Variants in LONP1 observed in about 807,000 individuals in gnomAD.
The protein encoded by LONP1 is lon peptidase 1, mitochondrial.
LONP1 carries 31 observed loss-of-function variants against 98.5 expected under a neutral mutation model. That is an observed-to-expected ratio of 0.31 (90% CI 0.24 to 0.42). LONP1 has a LOEUF of 0.42. Among genes scored for constraint, LONP1 ranks in the 20% least tolerant of loss-of-function variants. LONP1 has a pLI of 1.00. For synonymous variants in LONP1, 781 were observed against 594.7 expected (o/e 1.31, Z -4.56); for missense variants, 1,336 against 1,350.6 (o/e 0.99, Z 0.17).
At chr19:5,708,515 C>T in intron 4 of LONP1, 112 bp from the exon 5 acceptor site, 1 of 812,772 alleles carries the variant, frequency 1.2e-6, no homozygotes, top group Non-Finnish European at 2.0e-6. Flanking sequence ...AACTCCCTCC[C>T]CTCCGCCAAC....
At position 5,694,836 on chromosome 19, in the gene LONP1, C is replaced by T. The variant is rs142052215; in HGVS notation, c.2079G>A (p.Ser693=). 1.2e-5 allele frequency: 19 copies of T among 1,604,414 alleles called. No individual in the cohort carries two copies. Among genetic ancestry groups the T allele is most frequent in the African/African-American group, 2.7e-5 (2 of 74,878 alleles). Residue 693 remains serine (S), a synonymous_variant, in exon 14 of 18, where the codon TCG becomes TCA. Coordinates refer to ENST00000360614, the MANE Select transcript of LONP1 (RefSeq NM_004793.4). ...GCTTGATGAGCAGCGTCAGCACGTC[C>T]GATGACAGCTTGGCCTTGCTCTCAT... ...GLDESKAKLS[S]DVLTLLIKQY... is the part of the protein sequence containing the mutation.
At chr19:5,699,331 G>C (rs545853872) in intron 9 of LONP1, 126 bp from the exon 10 acceptor site, 6 of 711,896 alleles carry the variant, frequency 8.4e-6, no homozygotes, top group Admixed American at 7.6e-5. Flanking sequence ...AGGATTGTCC[G>C]GGAGGCTGAG....
At chr19:5,693,247 G>A (rs368241558) in intron 17 of LONP1, 51 bp downstream of exon 17, 26 of 1,566,170 alleles carry the variant, frequency 1.7e-5, no homozygotes, top group East Asian at 1.1e-4. Context: ...GGCCTGTCCC[G>A]TGGTGGTGTG....
chr19:5,705,708 T>A, intron 8 of LONP1, 64 bp downstream of exon 8: 2 of 1,503,380 alleles, frequency 1.3e-6, no homozygotes, highest in Non-Finnish European at 9.2e-7. Flanking sequence ...TCCCCTGGCC[T>A]GCCTAAGATG....
rs748370005 is a variant in LONP1, at chr19:5,693,647, G to C, written c.2443C>G (p.Arg815Gly). 1.9e-6 allele frequency: 3 copies of C among 1,614,026 alleles called. No individual in the cohort carries two copies. The highest frequency in any genetic ancestry group is 3.3e-5 in the Admixed American group (2 of 60,012). The change falls in exon 16 of 18, where the codon CGC becomes GGC. Residue 815 changes from arginine to glycine, a missense_variant. By Grantham distance (125) the Arg-to-Gly change is moderately radical (BLOSUM62 -2). Transcript: ENST00000360614. The part of the protein sequence containing the change: ...QLGEVMKESA[R>G]IAYTFARAFL... ...GCTCTGGCGAAGGTGTAGGCTATGC[G>C]GGCGCTCTCCTTCATCACCTCCCCC...
At chr19:5,698,649 C>T (rs1448350168) in intron 10 of LONP1, among the ~76,000 whole-genome samples, 1 of 152,200 alleles carries the variant, frequency 6.6e-6, no homozygotes, top group Non-Finnish European at 1.5e-5. Context: ...GGAGCCGACC[C>T]CACCCCTAGT....
intron 11 of LONP1, 21 bp from the exon 12 acceptor site, chr19:5,696,392 T>C: frequency 6.2e-7 from 1 of 1,610,656 alleles, no homozygotes. Context: ...AGACAGCAGG[T>C]GGTGCCCCTC....
At chr19:5,694,595 G>A (rs777645478) in intron 14 of LONP1, 43 bp from the exon 15 acceptor site, 38 of 1,566,670 alleles carry the variant, frequency 2.4e-5, no homozygotes, top group Non-Finnish European at 3.1e-5. Flanking sequence ...AAGGTGGGGT[G>A]ACAGGTGCGG....
Position 5,707,688 on chromosome 19 carries a change from A to G in LONP1, c.1062+9T>C, listed in dbSNP as rs201351681. On this transcript the variant is annotated intron_variant, in intron 6 of 17. Coordinates refer to ENST00000360614, the MANE Select transcript of LONP1 (RefSeq NM_004793.4). Reference sequence around the variant, plus strand: ...GGCGTGGGGGGCTGTGGAGGTGACGAGCACTCACATTGGTCTCTTCCAGGA... The same window carrying G: ...GGCGTGGGGGGCTGTGGAGGTGACGGGCACTCACATTGGTCTCTTCCAGGA... The G allele has an allele frequency of 6.9e-6, 11 of 1,604,642 alleles. No individual in the cohort carries two copies. The highest frequency in any genetic ancestry group is 9.4e-6 in the Non-Finnish European group (11 of 1,173,416).
chr19:5,705,746 T>C (rs1230777093), intron 8 of LONP1, 26 bp downstream of exon 8: 5 of 1,609,566 alleles, frequency 3.1e-6, no homozygotes, highest in Non-Finnish European at 4.2e-6. Context: ...ACCTGAGGGC[T>C]GGGCCGCCCC....
rs919262130 is a variant in LONP1 at position 5,711,925 on chromosome 19, G to A, written c.716C>T (p.Ser239Leu). The change falls in exon 4 of 18, where the codon TCA becomes TTA. Residue 239 changes from serine (S) to leucine (L), a missense_variant. Physicochemically the swap from Ser to Leu is moderately radical, Grantham distance 145 (BLOSUM62 -2). Coordinates refer to ENST00000360614, the MANE Select transcript of LONP1 (RefSeq NM_004793.4). The stretch of plus-strand genomic sequence containing the variant: ...CTCCGCCTCCTTCTTGCCCCGCTTT[G>A]ACTTCCTGCGGGGCTTGTGCTTGTT... Reference protein sequence around the residue: ...AENKHKPRRKSKRGKKEAEDE... With the variant: ...AENKHKPRRKLKRGKKEAEDE... 8 of 1,613,124 alleles carry A rather than the reference G, an allele frequency of 5.0e-6. No individual in the cohort carries two copies. The highest frequency in any genetic ancestry group is 2.7e-5 in the African/African-American group (2 of 74,930).
intron 2 of LONP1, among the ~76,000 whole-genome samples, chr19:5,713,568 CTT>C (rs1431489770): frequency 6.6e-6 from 1 of 152,026 alleles, no homozygotes; most frequent in African/African-American, 2.4e-5. Context: ...GCATGGAACT[CTT>C]TTTTTCTTGA....
In LONP1 at chr19:5,706,335, G is replaced by A. The variant is rs117138464; in HGVS notation, c.1147-343C>T. On this transcript the variant is annotated intron_variant, in intron 7 of 17. Coordinates refer to ENST00000360614, the MANE Select transcript of LONP1 (RefSeq NM_004793.4). ...ATTTTTTGTAGAGATGGGGCCAGGC[G>A]CGGTGGCTCACGCCTGTAATCCTAG... Among the ~76,000 whole-genome samples, 2,536 of 152,276 alleles carry A rather than the reference G, an allele frequency of 0.017. 45 individuals carry two copies. Among genetic ancestry groups the A allele is most frequent in the East Asian group, 0.036 (184 of 5,158 alleles).
chr19:5,711,223 C>T (rs184927685), intron 4 of LONP1, among the ~76,000 whole-genome samples: 12 of 152,312 alleles, frequency 7.9e-5, no homozygotes, highest in Admixed American at 2.0e-4. Context: ...ACCAGGCACA[C>T]AGGTAAGGAG....
intron 4 of LONP1, among the ~76,000 whole-genome samples, chr19:5,710,955 G>A (rs1304674592): frequency 6.6e-6 from 1 of 152,076 alleles, no homozygotes; most frequent in Non-Finnish European, 1.5e-5. Context: ...GAACCTGGGA[G>A]GTGGAAATTG....
At position 5,719,856 on chromosome 19, in the gene LONP1, C is replaced by T. The variant is rs767996510; in HGVS notation, c.277G>A (p.Gly93Arg). 8.7e-6 allele frequency: 14 copies of T among 1,603,282 alleles called. No homozygotes were observed. The highest frequency in any genetic ancestry group is 1.2e-5 in the Non-Finnish European group (14 of 1,175,474). Residue 93 changes from glycine (G) to arginine (R), a missense_variant, in exon 1 of 18, where the codon GGA (glycine) becomes AGA (arginine). Physicochemically the swap from Gly to Arg is moderately radical, Grantham distance 125. This residue lies in a region of LONP1 where 457 missense variants were observed against 403.1 expected (regional missense o/e 1.13). Coordinates refer to ENST00000360614, the MANE Select transcript of LONP1 (RefSeq NM_004793.4). ...EDASEGGAEE[G>R]AGGAGGSAGA... ...GCGCTGCCCCCCGCGCCGCCGGCTC[C>T]TTCCTCCGCGCCGCCCTCGGAGGCG...
Position 5,700,928 on chromosome 19 carries a change from C to T in LONP1, c.1368-1G>A. 6.2e-7 allele frequency: 1 copy of T among 1,614,134 alleles called. No individual in the cohort carries two copies. Among genetic ancestry groups the T allele is most frequent in the Non-Finnish European group, 8.5e-7 (1 of 1,180,004 alleles). Reference sequence around the variant, plus strand: ...CCAGTCTAGGTAGTTGCGGGTGACACTGCCAGGGGACAGATGGAGAGATGC... The same window carrying T: ...CCAGTCTAGGTAGTTGCGGGTGACATTGCCAGGGGACAGATGGAGAGATGC... On this transcript the variant is annotated splice_acceptor_variant, in intron 8 of 17. Coordinates refer to ENST00000360614, the MANE Select transcript of LONP1 (RefSeq NM_004793.4). LOFTEE classifies it high-confidence loss of function.
At position 5,696,676 on chromosome 19, in the gene LONP1, G is replaced by A. The variant is rs11551018; in HGVS notation, c.1767C>T (p.Ile589=). 3,172 of 1,613,426 alleles carry A rather than the reference G, an allele frequency of 2.0e-3. 49 individuals carry two copies. The African/African-American group carries it at 0.035, about 18-fold the overall frequency. The part of the protein sequence containing the change: ...KTKTENPLIL[I]DEVDKIGRGY... ...CGGGCCTCTCCGCACGCACCTCGTC[G>A]ATGAGGATCAGGGGGTTCTCCGTCT... The change falls in exon 11 of 18, where the codon ATC becomes ATT. Residue 589 remains isoleucine (I), a synonymous_variant. Transcript: ENST00000360614.
upstream of LONP1, chr19:5,720,368 G>C (rs553522744): frequency 1.5e-6 from 1 of 646,626 alleles, no homozygotes; most frequent in Non-Finnish European, 2.5e-6. Context: ...GGAAGGCTGT[G>C]AGCAGGCGCC....
Sources: gnomAD v4.1 joint callset for allele counts (sites outside exome capture counted in the v4.1 genomes callset) on GRCh38, gnomAD v4.1.1 for gene constraint, gnomAD v4.1.1 regional missense constraint, MANE v1.5 for transcripts, NCBI Gene and HGNC (gene_info 2026-07-23, HGNC 2026-07-21) for gene names.